The following ARHGEF11 variants were observed in gnomAD, a reference collection of about 807,000 sequenced individuals.
ARHGEF11 encodes Rho guanine exchange factor (GEF) 11.
In ARHGEF11, 55 loss-of-function variants were observed where a neutral mutation model predicts 193.7. The observed-to-expected ratio is 0.28, with a 90% CI of 0.23 to 0.36. The LOEUF (loss-of-function observed/expected upper bound fraction) is 0.36, where lower values mean the gene tolerates loss of function less well. ARHGEF11 is among the 10% of genes least tolerant of loss of function. The probability of loss-of-function intolerance (pLI) is 1.00; values close to 1 mark genes in which losing one functional copy is unlikely to be tolerated. For synonymous variants in ARHGEF11, 693 were observed against 768.0 expected, an observed-to-expected ratio of 0.90 and a Z score of 1.62; for missense variants, 1,723 against 2,005.6, an observed-to-expected ratio of 0.86 and a Z score of 2.69.
rs1342733030 is a variant in ARHGEF11, at chr1:156,991,482, G to C, written c.33-5309C>G. Among the ~76,000 whole-genome samples, 3 of 151,832 alleles carry C rather than the reference G, an allele frequency of 2.0e-5. 1 individual carries two copies. The highest frequency in any genetic ancestry group is 4.4e-5 in the Non-Finnish European group (3 of 67,924). On this transcript the variant is annotated intron_variant, in intron 1 of 40. Transcript: ENST00000368194. ...TTACAGGCACACACCACCACGCCTG[G>C]CTAATTTTCGTATTTTTTATAGAGA...
intron 1 of ARHGEF11, among the ~76,000 whole-genome samples, chr1:157,042,646 G>A (rs550762465): frequency 1.3e-5 from 2 of 152,290 alleles, no homozygotes; most frequent in Admixed American, 1.3e-4. Flanking sequence ...TTAGGAAACT[G>A]TAATGTGCTG....
At chr1:156,973,440 C>T (rs1173146558) in intron 7 of ARHGEF11, among the ~76,000 whole-genome samples, 2 of 152,236 alleles carry the variant, frequency 1.3e-5, no homozygotes, top group African/African-American at 4.8e-5. Context: ...CCTCAGCTCT[C>T]TCCTCTCTGT....
At chr1:157,007,453 G>T (rs1246391596) in intron 1 of ARHGEF11, among the ~76,000 whole-genome samples, 1 of 152,174 alleles carries the variant, frequency 6.6e-6, no homozygotes, top group Non-Finnish European at 1.5e-5. Context: ...GGCAGCAGGG[G>T]TGTTCAATGG....
intron 35 of ARHGEF11, among the ~76,000 whole-genome samples, chr1:156,940,746 G>A (rs1656673567): frequency 6.6e-6 from 1 of 152,214 alleles, no homozygotes; most frequent in Non-Finnish European, 1.5e-5. Context: ...GGGGCTAGGG[G>A]CTGGACAGTG....
In ARHGEF11 at chr1:156,941,481, T is replaced by G. The variant is rs1243084714; in HGVS notation, c.3453-48A>C. 1.9e-6 allele frequency: 3 copies of G among 1,577,298 alleles called. No homozygotes were observed. The African/African-American group carries it at 4.0e-5, about 21-fold the overall frequency. Reference sequence around the variant, plus strand: ...GATGAGATCCCATGAGATTCCACCCTGGACTCATGCATTAGAATGGGCAAT... The same window carrying G: ...GATGAGATCCCATGAGATTCCACCCGGGACTCATGCATTAGAATGGGCAAT... On this transcript the variant is annotated intron_variant, in intron 34 of 40. Transcript: ENST00000368194.
chr1:156,985,950 C>T, intron 2 of ARHGEF11, 132 bp downstream of exon 2: 2 of 684,840 alleles, frequency 2.9e-6, no homozygotes, highest in South Asian at 1.7e-5. Flanking sequence ...AGACACCTGA[C>T]TGGCATAGCA....
chr1:156,953,973 A>G (rs1659509619), intron 21 of ARHGEF11, among the ~76,000 whole-genome samples: 1 of 152,222 alleles, frequency 6.6e-6, no homozygotes, highest in South Asian at 2.1e-4. Flanking sequence ...GGGCTTAAGT[A>G]GATGATAAGA....
intron 2 of ARHGEF11, among the ~76,000 whole-genome samples, chr1:156,984,752 G>A (rs1296914117): frequency 6.6e-6 from 1 of 152,060 alleles, no homozygotes; most frequent in African/African-American, 2.4e-5. Flanking sequence ...GAAGGGGTAG[G>A]ACCAGGTCTA....
At chr1:156,941,534 G>A (rs1656926115) in intron 34 of ARHGEF11, 101 bp from the exon 35 acceptor site, 1 of 1,335,782 alleles carries the variant, frequency 7.5e-7, no homozygotes, top group Admixed American at 1.8e-5. Context: ...GGACGGTGTG[G>A]GCCTCTTCAC....
intron 1 of ARHGEF11, among the ~76,000 whole-genome samples, chr1:156,991,707 CTTATTT>C (rs555498123): frequency 0.021 from 2,263 of 106,956 alleles, 144 homozygotes; most frequent in African/African-American, 0.081. Context: ...TTTTTTCAAG[CTTATTT>C]TTTTTTTTTT....
chr1:157,035,159 G>A (rs985968881), intron 1 of ARHGEF11, among the ~76,000 whole-genome samples: 12 of 152,282 alleles, frequency 7.9e-5, no homozygotes, highest in Admixed American at 2.6e-4. Flanking sequence ...TCTAGCAAAG[G>A]ATCTGCTTTG....
intron 1 of ARHGEF11, among the ~76,000 whole-genome samples, chr1:157,012,982 C>T (rs891473058): frequency 6.6e-6 from 1 of 152,070 alleles, no homozygotes; most frequent in Non-Finnish European, 1.5e-5. Context: ...GGTGCAAAGT[C>T]GTTGCAGGTC....
intron 1 of ARHGEF11, among the ~76,000 whole-genome samples, chr1:156,991,801 C>T (rs1460993771): frequency 7.2e-6 from 1 of 139,022 alleles, no homozygotes; most frequent in Non-Finnish European, 1.5e-5. Flanking sequence ...ACTGCAAGCT[C>T]CGCCTCCCGG....
chr1:156,957,545 T>G (rs1231859568), intron 18 of ARHGEF11, among the ~76,000 whole-genome samples: 2 of 152,186 alleles, frequency 1.3e-5, no homozygotes, highest in African/African-American at 4.8e-5. Context: ...GGCAGCTTGG[T>G]GTCTTCCCAC....
At chr1:157,008,406 G>GCACGCA (rs1668137342) in intron 1 of ARHGEF11, among the ~76,000 whole-genome samples, 1 of 149,120 alleles carries the variant, frequency 6.7e-6, no homozygotes, top group East Asian at 2.0e-4. Flanking sequence ...TTGCACGCAC[G>GCACGCA]CACACACACA....
chr1:156,959,013 G>A, intron 16 of ARHGEF11, 33 bp downstream of exon 16: 2 of 1,612,422 alleles, frequency 1.2e-6, no homozygotes, highest in South Asian at 1.1e-5. Flanking sequence ...AGGTGAACGA[G>A]GAGAGAGGTG....
chr1:157,003,303 T>C (rs1444120612), intron 1 of ARHGEF11, among the ~76,000 whole-genome samples: 1 of 152,122 alleles, frequency 6.6e-6, no homozygotes, highest in Non-Finnish European at 1.5e-5. Flanking sequence ...CTAGAGAGAG[T>C]CCTCACCATC....
In ARHGEF11 at chr1:156,948,158, G is replaced by A; in HGVS notation, c.2153+23C>T. ...TGGGACACAGAGACACCAAACAGAG[G>A]CACCACCGTGCCCATCACTTACCTG... On this transcript the variant is annotated intron_variant, in intron 24 of 40. Coordinates refer to ENST00000368194, the MANE Select transcript of ARHGEF11 (RefSeq NM_198236.3). The surrounding 1 kb of genome is among the most constrained non-coding windows in gnomAD (Gnocchi z 4.2). 1 of 1,546,018 alleles carries A rather than the reference G, an allele frequency of 6.5e-7. No individual in the cohort carries two copies. Among genetic ancestry groups the A allele is most frequent in the Non-Finnish European group, 8.7e-7 (1 of 1,144,556 alleles).
chr1:156,982,022 A>G (rs1664255072), intron 3 of ARHGEF11, among the ~76,000 whole-genome samples: 1 of 152,212 alleles, frequency 6.6e-6, no homozygotes, highest in Admixed American at 6.5e-5. Flanking sequence ...TTGGCTTTTC[A>G]ATACTGGGAC....
Sources: gnomAD v4.1 joint callset for allele counts (sites outside exome capture counted in the v4.1 genomes callset) on GRCh38, gnomAD v4.1.1 for gene constraint, Gnocchi (gnomAD v3.1) non-coding constraint, MANE v1.5 for transcripts, NCBI Gene and HGNC (gene_info 2026-07-23, HGNC 2026-07-21) for gene names.